Variants in XPO4 observed in about 807,000 individuals in gnomAD.
The protein encoded by XPO4 is exportin-4.
XPO4 carries 39 observed loss-of-function variants against 143.0 expected under a neutral mutation model. The ratio of observed to expected loss-of-function variants is 0.27; its 90% CI spans 0.21 to 0.36. The LOEUF is 0.36. Ranked by LOEUF, XPO4 falls within the 10% of genes least tolerant of loss-of-function variation. The pLI is 1.00. For missense variants in XPO4, 907 were observed against 1,348.0 expected, an observed-to-expected ratio of 0.67 and a Z score of 5.12; for synonymous variants, 439 against 474.0, an observed-to-expected ratio of 0.93 and a Z score of 0.96.
chr13:20,784,387 G>C (rs2059174894), intron 22 of XPO4, among the ~76,000 whole-genome samples: 1 of 152,222 alleles, frequency 6.6e-6, no homozygotes, highest in Non-Finnish European at 1.5e-5. Context: ...CACAAAGACA[G>C]GACAGGCAGG....
Position 20,902,206 on chromosome 13 carries a change from G to C in XPO4, c.69+464C>G, listed in dbSNP as rs561431912. The stretch of plus-strand genomic sequence containing the variant: ...GGCTGCATGTCAGGGAAGCGCTAGA[G>C]GATGCGAATGCACAGGAAACAAGGG... On this transcript the variant is annotated intron_variant, in intron 1 of 22. Coordinates refer to ENST00000255305, the MANE Select transcript of XPO4 (RefSeq NM_022459.5). The C allele has an allele frequency of 6.1e-6, 6 of 985,356 alleles. No individual in the cohort carries two copies. In the South Asian group the frequency reaches 2.8e-4, roughly 46 times the overall value. 61.0% of individuals were successfully genotyped at this position (985,356 alleles called of 1,614,324 possible). A position where few individuals can be genotyped will look rare whatever the true frequency, so the allele number is the denominator to read the frequency against.
chr13:20,873,494 C>T (rs74036464), intron 1 of XPO4, among the ~76,000 whole-genome samples: 9,029 of 152,224 alleles, frequency 0.059, 801 homozygotes, highest in African/African-American at 0.19. Context: ...GAAACACAGG[C>T]ACTAAACAGT....
intron 9 of XPO4, among the ~76,000 whole-genome samples, chr13:20,818,628 A>T (rs1335320133): frequency 6.6e-6 from 1 of 152,232 alleles, no homozygotes. Flanking sequence ...AAAATCATTT[A>T]AAAAATAATT....
intron 22 of XPO4, among the ~76,000 whole-genome samples, chr13:20,786,162 AG>A (rs1252442149): frequency 1.3e-5 from 2 of 152,102 alleles, no homozygotes; most frequent in South Asian, 2.1e-4. Context: ...CCTTCAGCTT[AG>A]GGCACAGATG....
chr13:20,838,625 AAAAAG>A (rs1395404488), intron 6 of XPO4, among the ~76,000 whole-genome samples: 3 of 151,364 alleles, frequency 2.0e-5, no homozygotes, highest in Non-Finnish European at 4.4e-5. Flanking sequence ...AAAAAAAAAA[AAAAAG>A]AAAGAAATTA....
At chr13:20,842,805 TG>T in intron 6 of XPO4, 89 bp downstream of exon 6, 1 of 1,181,850 alleles carries the variant, frequency 8.5e-7, no homozygotes, top group Non-Finnish European at 1.1e-6. Flanking sequence ...ATATGTTTTA[TG>T]AAAGCTGCAG....
chr13:20,890,840 G>C (rs1397142953), intron 1 of XPO4, among the ~76,000 whole-genome samples: 1 of 149,952 alleles, frequency 6.7e-6, no homozygotes, highest in Non-Finnish European at 1.5e-5. Context: ...GTGAGCATTG[G>C]CTCATGCCTG....
chr13:20,799,897 A>C (rs1429603878), intron 15 of XPO4, among the ~76,000 whole-genome samples: 1 of 152,228 alleles, frequency 6.6e-6, no homozygotes, highest in Non-Finnish European at 1.5e-5. Flanking sequence ...ATAAATTACT[A>C]ATGTGTTACT....
chr13:20,883,309 A>C (rs569526222), intron 1 of XPO4, among the ~76,000 whole-genome samples: 6 of 152,252 alleles, frequency 3.9e-5, no homozygotes, highest in Non-Finnish European at 7.3e-5. Context: ...TAAAGAAAAG[A>C]AGCATTCCAA....
intron 6 of XPO4, among the ~76,000 whole-genome samples, chr13:20,828,330 C>T (rs1485087079): frequency 2.0e-5 from 3 of 152,152 alleles, no homozygotes; most frequent in Non-Finnish European, 4.4e-5. Context: ...GCAACATTCA[C>T]ATCACTCAAT....
At position 20,807,450 on chromosome 13, in the gene XPO4, A is replaced by G. The variant is rs2059522421; in HGVS notation, c.1817+7T>C. ...TTACAAGAGCACAGCTATAGAGTTT[A>G]TATTACCTAATCACAGAATCTGTTC... On this transcript the variant is annotated splice_region_variant and intron_variant, in intron 13 of 22. Coordinates refer to ENST00000255305, the MANE Select transcript of XPO4 (RefSeq NM_022459.5). 6.2e-7 allele frequency: 1 copy of G among 1,609,296 alleles called. No individual in the cohort carries two copies. Among genetic ancestry groups the G allele is most frequent in the Non-Finnish European group, 8.5e-7 (1 of 1,178,518 alleles).
intron 7 of XPO4, among the ~76,000 whole-genome samples, chr13:20,823,721 A>G (rs899416717): frequency 6.6e-6 from 1 of 152,066 alleles, no homozygotes; most frequent in South Asian, 2.1e-4. Flanking sequence ...GTGCAATCTC[A>G]GCTCATAGCA....
chr13:20,796,669 AGAT>A (rs1212005195), intron 17 of XPO4, 92 bp downstream of exon 17: 2 of 988,878 alleles, frequency 2.0e-6, no homozygotes, highest in Non-Finnish European at 2.7e-6. Flanking sequence ...ATATTATTTA[AGAT>A]AATACTAATC....
At chr13:20,867,401 T>C (rs775760882) in intron 2 of XPO4, among the ~76,000 whole-genome samples, 6 of 152,352 alleles carry the variant, frequency 3.9e-5, no homozygotes, top group African/African-American at 9.6e-5. Context: ...TATATGGCCA[T>C]GACATTTACC....
At chr13:20,851,677 TC>T (rs1456621141) in intron 4 of XPO4, 9 of 815,288 alleles carry the variant, frequency 1.1e-5, no homozygotes, top group African/African-American at 2.1e-5. Flanking sequence ...ACCATTGCCC[TC>T]CAGCCGAGGC....
intron 1 of XPO4, among the ~76,000 whole-genome samples, chr13:20,876,219 G>A (rs2060350848): frequency 7.0e-6 from 1 of 142,832 alleles, no homozygotes; most frequent in South Asian, 2.2e-4. Flanking sequence ...CCAAGATTGC[G>A]CCATTGCACT....
At chr13:20,818,714 A>G (rs1055361925) in intron 9 of XPO4, among the ~76,000 whole-genome samples, 3 of 152,240 alleles carry the variant, frequency 2.0e-5, no homozygotes, top group African/African-American at 7.2e-5. Flanking sequence ...GAGTGCACAC[A>G]GGTTTTCAAT....
intron 7 of XPO4, among the ~76,000 whole-genome samples, chr13:20,826,530 C>T (rs915332927): frequency 2.6e-5 from 4 of 152,170 alleles, no homozygotes; most frequent in Admixed American, 2.0e-4. Flanking sequence ...ACACGATGTG[C>T]GATACTGCAA....
rs1384630245 is a variant in XPO4, at chr13:20,851,175, T to C, written c.456+4452A>G. Reference sequence around the variant, plus strand: ...ACAGTCCAAGAAGAAGAGAGGATGATATAAGAAAATGTCTGAACTTCATTT... The same window carrying C: ...ACAGTCCAAGAAGAAGAGAGGATGACATAAGAAAATGTCTGAACTTCATTT... On this transcript the variant is annotated intron_variant, in intron 4 of 22. Transcript: ENST00000255305. 3 of 985,450 alleles carry C rather than the reference T, an allele frequency of 3.0e-6. No homozygotes were observed. In the South Asian group the frequency reaches 1.4e-4, roughly 46 times the overall value. The allele number at this position is 985,450 out of a possible 1,614,324, so 61.0% of individuals were successfully genotyped here.
Sources: gnomAD v4.1 joint callset for allele counts (sites outside exome capture counted in the v4.1 genomes callset) on GRCh38, gnomAD v4.1.1 for gene constraint, MANE v1.5 for transcripts, NCBI Gene and HGNC (gene_info 2026-07-23, HGNC 2026-07-21) for gene names.